Variants in ENTREP2 observed in about 807,000 individuals in gnomAD.
The protein encoded by ENTREP2 is endosomal transmembrane epsin interactor 2.
the ENTREP2 span, among the ~76,000 whole-genome samples, chr15:29,344,806 A>G: frequency 6.6e-5 from 10 of 152,024 alleles, no homozygotes; most frequent in Non-Finnish European, 1.3e-4. Context: ...TGACAGAGGC[A>G]GAGGACAGAG....
the ENTREP2 span, among the ~76,000 whole-genome samples, chr15:29,600,482 T>C: frequency 2.7e-5 from 4 of 150,120 alleles, no homozygotes; most frequent in African/African-American, 4.9e-5. Flanking sequence ...ATCATCATCA[T>C]CGTCATCTCA....
the ENTREP2 span, among the ~76,000 whole-genome samples, chr15:29,546,256 A>G: frequency 1.3e-5 from 2 of 152,342 alleles, no homozygotes; most frequent in South Asian, 2.1e-4. Flanking sequence ...TTTTAAGATA[A>G]AAGTACCACA....
At chr15:29,132,644 G>C in the ENTREP2 span, among the ~76,000 whole-genome samples, 41 of 152,360 alleles carry the variant, frequency 2.7e-4, no homozygotes, top group African/African-American at 8.7e-4. Context: ...ATTGGTTTCA[G>C]AACCAGCCAG....
the ENTREP2 span, among the ~76,000 whole-genome samples, chr15:29,519,457 GACT>G: frequency 1.3e-5 from 2 of 150,892 alleles, no homozygotes; most frequent in Non-Finnish European, 2.9e-5. Context: ...TCAATATGAA[GACT>G]ACAACAAAGA....
chr15:29,400,177 C>T, the ENTREP2 span, among the ~76,000 whole-genome samples: 2 of 152,124 alleles, frequency 1.3e-5, no homozygotes, highest in African/African-American at 4.8e-5. Context: ...GTGACTTGCC[C>T]AACGTTACAA....
the ENTREP2 span, among the ~76,000 whole-genome samples, chr15:29,427,273 T>C: frequency 3.3e-5 from 5 of 152,162 alleles, no homozygotes; most frequent in Non-Finnish European, 7.3e-5. Flanking sequence ...TCTCCTCCAC[T>C]GTTCATACGA....
the ENTREP2 span, among the ~76,000 whole-genome samples, chr15:29,649,680 C>G: frequency 6.9e-6 from 1 of 145,984 alleles, no homozygotes; most frequent in Non-Finnish European, 1.5e-5. Flanking sequence ...GATCGAGCCA[C>G]TGCTCTCCAG....
At chr15:29,178,346 C>T in the ENTREP2 span, among the ~76,000 whole-genome samples, 1 of 151,326 alleles carries the variant, frequency 6.6e-6, no homozygotes, top group Non-Finnish European at 1.5e-5. Context: ...AACCGGTTAC[C>T]ATCTCAATGA....
chr15:29,358,109 C>T, the ENTREP2 span, among the ~76,000 whole-genome samples: 3 of 152,212 alleles, frequency 2.0e-5, no homozygotes, highest in South Asian at 6.2e-4. Flanking sequence ...TGCCTATGTA[C>T]CTGAGGAGAC....
At chr15:29,190,042 C>T in the ENTREP2 span, among the ~76,000 whole-genome samples, 1 of 152,160 alleles carries the variant, frequency 6.6e-6, no homozygotes, top group African/African-American at 2.4e-5. Flanking sequence ...GCCCTGTCAT[C>T]GGGAAGCAGG....
the ENTREP2 span, among the ~76,000 whole-genome samples, chr15:29,468,078 T>G: frequency 1.0e-3 from 159 of 152,284 alleles, no homozygotes; most frequent in African/African-American, 3.7e-3. Flanking sequence ...ACAAGCTGCT[T>G]GAAAGCAAGA....
the ENTREP2 span, among the ~76,000 whole-genome samples, chr15:29,396,783 G>A: frequency 6.6e-6 from 1 of 152,056 alleles, no homozygotes; most frequent in African/African-American, 2.4e-5. Context: ...GTTAATTTTT[G>A]TATAGGATGT....
At chr15:29,296,590 GT>G in the ENTREP2 span, among the ~76,000 whole-genome samples, 1 of 152,126 alleles carries the variant, frequency 6.6e-6, no homozygotes, top group Admixed American at 6.5e-5. Flanking sequence ...AAAACTTGAT[GT>G]TTTTTAAATT....
At chr15:29,337,046 G>T in the ENTREP2 span, among the ~76,000 whole-genome samples, 1 of 152,216 alleles carries the variant, frequency 6.6e-6, no homozygotes, top group Admixed American at 6.5e-5. Flanking sequence ...TTTGTTTGAT[G>T]TGAAGTTAGA....
the ENTREP2 span, chr15:29,136,982 A>G: frequency 1.5e-6 from 2 of 1,366,426 alleles, no homozygotes; most frequent in Non-Finnish European, 1.9e-6. Flanking sequence ...CCACCCGGAC[A>G]CTGCTGCCCA....
chr15:29,125,300 G>C, the ENTREP2 span, among the ~76,000 whole-genome samples: 1 of 152,210 alleles, frequency 6.6e-6, no homozygotes, highest in Non-Finnish European at 1.5e-5. Flanking sequence ...ACCAGCAGAG[G>C]GGGGTGTTTC....
chr15:29,224,159 A>C, the ENTREP2 span, among the ~76,000 whole-genome samples: 3 of 152,074 alleles, frequency 2.0e-5, no homozygotes, highest in Non-Finnish European at 4.4e-5. Flanking sequence ...TCGCTGGCTC[A>C]GCAGTGAAGC....
chr15:29,194,828 C>T, the ENTREP2 span, among the ~76,000 whole-genome samples: 3 of 152,212 alleles, frequency 2.0e-5, no homozygotes, highest in East Asian at 1.9e-4. Flanking sequence ...TCAAGGGGGA[C>T]GCCAGGACCT....
chr15:29,382,411 C>T, the ENTREP2 span, among the ~76,000 whole-genome samples: 39 of 152,182 alleles, frequency 2.6e-4, no homozygotes, highest in African/African-American at 8.4e-4. Context: ...CACTTGGCTC[C>T]CCTGATGCAC....
Sources: gnomAD v4.1 joint callset for allele counts (sites outside exome capture counted in the v4.1 genomes callset) on GRCh38, gnomAD v4.1.1 for gene constraint, MANE v1.5 for transcripts, NCBI Gene and HGNC (gene_info 2026-07-23, HGNC 2026-07-21) for gene names.